Variants in FGF14 observed in about 807,000 individuals in gnomAD.
The protein encoded by FGF14 is fibroblast growth factor 14.
FGF14 carries 5 observed loss-of-function variants against 25.5 expected under a neutral mutation model. The observed-to-expected ratio is 0.20, with a 90% CI of 0.10 to 0.41. The LOEUF (loss-of-function observed/expected upper bound fraction) is 0.41. Ranked by LOEUF, FGF14 falls within the 10% of genes least tolerant of loss-of-function variation. The pLI is 1.00. For synonymous variants in FGF14, 138 were observed against 118.3 expected (o/e 1.17, Z -1.08); for missense variants, 222 against 320.1 (o/e 0.69, Z 2.34).
chr13:101,898,161 T>C (rs1372826584), intron 1 of FGF14, among the ~76,000 whole-genome samples: 1 of 152,084 alleles, frequency 6.6e-6, no homozygotes, highest in Non-Finnish European at 1.5e-5. Context: ...TCCCAAAATA[T>C]TGGGATTACA....
intron 1 of FGF14, among the ~76,000 whole-genome samples, chr13:102,213,407 T>C (rs1169950656): frequency 1.3e-5 from 2 of 152,184 alleles, no homozygotes; most frequent in Non-Finnish European, 2.9e-5. Context: ...TCCCAGCTAT[T>C]GGCAGGGCTG....
intron 1 of FGF14, among the ~76,000 whole-genome samples, chr13:102,317,288 A>G (rs965833434): frequency 4.6e-5 from 7 of 152,154 alleles, no homozygotes; most frequent in Non-Finnish European, 1.0e-4. Context: ...CATTTGCAAG[A>G]TCGATTCAGT....
At chr13:102,006,561 T>C (rs1318573382) in intron 1 of FGF14, among the ~76,000 whole-genome samples, 1 of 152,042 alleles carries the variant, frequency 6.6e-6, no homozygotes, top group South Asian at 2.1e-4. Flanking sequence ...GACCTTTTTT[T>C]AAAAGGTAAC....
rs1158387870 is a variant in FGF14, at chr13:101,721,016, A to AAAAT, written c.*1811_*1814dup. 6.6e-6 allele frequency: 1 copy of AAAAT among 152,154 alleles called. No individual in the cohort carries two copies. Among genetic ancestry groups the AAAAT allele is most frequent in the Non-Finnish European group, 1.5e-5 (1 of 68,010 alleles). The allele number at this position is 152,154 out of a possible 1,614,324, so 9.4% of individuals were successfully genotyped here. A position where few individuals can be genotyped will look rare whatever the true frequency, so the allele number is the denominator to read the frequency against. On this transcript the variant is annotated 3_prime_UTR_variant, in exon 5 of 5. Transcript: ENST00000376143. ...GAAGAAGATTTATGAAAGCAGTGAC[A>AAAAT]AAATAATTTCCCAATAAATACAGTG...
At chr13:102,269,655 C>G (rs995285883) in intron 1 of FGF14, among the ~76,000 whole-genome samples, 3 of 152,130 alleles carry the variant, frequency 2.0e-5, no homozygotes, top group Admixed American at 6.5e-5. Flanking sequence ...TCCTGAGTAG[C>G]TAGGACTGCC....
chr13:102,257,370 G>A (rs76270531), intron 1 of FGF14, among the ~76,000 whole-genome samples: 6 of 11,338 alleles, frequency 5.3e-4, no homozygotes, highest in African/African-American at 6.0e-4. Context: ...TTTTTTTTTC[G>A]AGACGGAGTT....
At chr13:102,382,839 T>C (rs894296097) in intron 1 of FGF14, among the ~76,000 whole-genome samples, 33 of 152,070 alleles carry the variant, frequency 2.2e-4, no homozygotes, top group Non-Finnish European at 3.1e-4. Flanking sequence ...AACATTACTC[T>C]AAATAAAAGA....
At chr13:101,723,583 A>G (rs1487077124) in intron 4 of FGF14, among the ~76,000 whole-genome samples, 2 of 152,072 alleles carry the variant, frequency 1.3e-5, no homozygotes, top group Admixed American at 6.6e-5. Flanking sequence ...ACAATCATGG[A>G]AAAAGACCCT....
At chr13:102,107,177 T>TA (rs1555359039) in intron 1 of FGF14, among the ~76,000 whole-genome samples, 10 of 152,076 alleles carry the variant, frequency 6.6e-5, no homozygotes, top group Non-Finnish European at 8.8e-5. Flanking sequence ...CCTATTTTTT[T>TA]AAAAAAACGA....
chr13:102,196,573 A>G (rs2049361064), intron 1 of FGF14, among the ~76,000 whole-genome samples: 1 of 152,142 alleles, frequency 6.6e-6, no homozygotes, highest in Non-Finnish European at 1.5e-5. Context: ...GACCAATAAT[A>G]ATTGTATTTA....
intron 1 of FGF14, among the ~76,000 whole-genome samples, chr13:102,387,637 T>C (rs559316375): frequency 1.7e-3 from 255 of 152,324 alleles, no homozygotes; most frequent in African/African-American, 5.7e-3. Context: ...TGTAGGTAAA[T>C]AGTGTATCAC....
chr13:102,304,471 C>A (rs1331343982), intron 1 of FGF14, among the ~76,000 whole-genome samples: 1 of 152,144 alleles, frequency 6.6e-6, no homozygotes, highest in Non-Finnish European at 1.5e-5. Context: ...TTTGCAGAAT[C>A]ACCATTACTC....
intron 3 of FGF14, among the ~76,000 whole-genome samples, chr13:101,737,602 G>A (rs1345651700): frequency 6.6e-6 from 1 of 151,960 alleles, no homozygotes; most frequent in Non-Finnish European, 1.5e-5. Context: ...AATACAAAAT[G>A]ACATATTTTG....
At chr13:102,252,678 T>C (rs568070936) in intron 1 of FGF14, among the ~76,000 whole-genome samples, 1 of 152,270 alleles carries the variant, frequency 6.6e-6, no homozygotes, top group South Asian at 2.1e-4. Context: ...TTTTTTTAAT[T>C]ATACTTTAAG....
intron 1 of FGF14, among the ~76,000 whole-genome samples, chr13:101,909,791 A>G (rs1219425616): frequency 6.6e-6 from 1 of 152,238 alleles, no homozygotes; most frequent in Admixed American, 6.5e-5. Flanking sequence ...ACACACGCAC[A>G]CATATGTTTC....
intron 1 of FGF14, among the ~76,000 whole-genome samples, chr13:102,382,447 T>A (rs1435262309): frequency 6.6e-6 from 1 of 152,044 alleles, no homozygotes; most frequent in Non-Finnish European, 1.5e-5. Context: ...CCACCAAAAT[T>A]ACTACTATCA....
At chr13:102,057,782 T>C (rs551888302) in intron 1 of FGF14, among the ~76,000 whole-genome samples, 73 of 152,312 alleles carry the variant, frequency 4.8e-4, no homozygotes, top group African/African-American at 1.7e-3. Flanking sequence ...ATAAATAAAG[T>C]GACTGAATAC....
intron 1 of FGF14, among the ~76,000 whole-genome samples, chr13:102,031,254 T>C (rs2041193095): frequency 6.6e-6 from 1 of 152,134 alleles, no homozygotes; most frequent in Admixed American, 6.6e-5. Context: ...GCACAGACTA[T>C]TTTTGTTGTA....
intron 1 of FGF14, among the ~76,000 whole-genome samples, chr13:102,166,447 G>C (rs1176196688): frequency 6.6e-6 from 1 of 151,954 alleles, no homozygotes; most frequent in African/African-American, 2.4e-5. Flanking sequence ...TAGCAGATGC[G>C]TGCATTCCCA....
Sources: allele counts gnomAD v4.1 joint callset (sites outside exome capture counted in the v4.1 genomes callset), GRCh38; gene constraint gnomAD v4.1.1; transcripts MANE v1.5; gene names NCBI Gene and HGNC (gene_info 2026-07-23, HGNC 2026-07-21).